MYO10: variants seen among roughly 807,000 people sequenced by gnomAD.
MYO10 encodes myosin X, also known as unconventional myosin-X.
MYO10 carries 133 observed loss-of-function variants against 257.3 expected under a neutral mutation model. The observed-to-expected ratio is 0.52, with a 90% CI of 0.45 to 0.60. The LOEUF is 0.60. Among genes scored for constraint, MYO10 ranks in the 20% least tolerant of loss-of-function variants. The pLI is 0.00. For missense variants in MYO10, 2,399 were observed against 2,635.7 expected, an observed-to-expected ratio of 0.91 and a Z score of 1.97; for synonymous variants, 1,104 against 1,028.6, an observed-to-expected ratio of 1.07 and a Z score of -1.40.
chr5:16,749,106 T>C (rs561884361), intron 19 of MYO10, among the ~76,000 whole-genome samples: 10 of 152,224 alleles, frequency 6.6e-5, no homozygotes, highest in African/African-American at 1.4e-4. Flanking sequence ...TCCAGCAAAT[T>C]TGGCTGCATG....
chr5:16,712,524 CCTAA>C (rs1330271513), intron 19 of MYO10, among the ~76,000 whole-genome samples: 16 of 152,140 alleles, frequency 1.1e-4, no homozygotes, highest in African/African-American at 1.7e-4. Context: ...TGCCATAGGA[CCTAA>C]CTGTTAAAAA....
intron 19 of MYO10, among the ~76,000 whole-genome samples, chr5:16,722,239 CT>C (rs748106577): frequency 1.3e-5 from 2 of 152,216 alleles, no homozygotes; most frequent in African/African-American, 2.4e-5. Flanking sequence ...GATGTGACCC[CT>C]GGTCACACTC....
At position 16,663,707 on chromosome 5, in the gene MYO10, A is replaced by G. The variant is rs1412150798; in HGVS notation, c.*2985T>C. On this transcript the variant is annotated 3_prime_UTR_variant, in exon 41 of 41. Coordinates refer to ENST00000513610, the MANE Select transcript of MYO10 (RefSeq NM_012334.3). ...GTGACAGAGTGAGACCCTGTCTCAA[A>G]TAAACAATGTTTAAAACACAGACAC... 2.0e-5 allele frequency: 3 copies of G among 152,076 alleles called. No individual in the cohort carries two copies. Among genetic ancestry groups the G allele is most frequent in the African/African-American group, 7.2e-5 (3 of 41,418 alleles). 9.4% of individuals were successfully genotyped at this position (152,076 alleles called of 1,614,324 possible). A position where few individuals can be genotyped will look rare whatever the true frequency, so the allele number is the denominator to read the frequency against.
chr5:16,899,774 G>A lies in MYO10; in HGVS notation c.22-22067C>T, dbSNP rs527244580. ...GCACTCTGGGAGGTCGAGGCAGGTG[G>A]ATCACCTGATGTCAAGAGTTCAGGG... On this transcript the variant is annotated intron_variant, in intron 1 of 40. Transcript: ENST00000513610. Among the ~76,000 whole-genome samples, 3 of 152,174 alleles carry A rather than the reference G, an allele frequency of 2.0e-5. No homozygotes were observed. The South Asian group carries it at 6.2e-4, about 32-fold the overall frequency.
intron 3 of MYO10, among the ~76,000 whole-genome samples, chr5:16,796,386 GAACAC>G (rs1741957367): frequency 1.5e-5 from 2 of 130,688 alleles, no homozygotes; most frequent in African/African-American, 5.8e-5. Flanking sequence ...GAAAAGAACA[GAACAC>G]AACACAAAAG....
In MYO10 at chr5:16,785,027, G is replaced by A. The variant is rs1222167020; in HGVS notation, c.468-1558C>T. On this transcript the variant is annotated intron_variant, in intron 4 of 40. Transcript: ENST00000513610. ...TGCGCGCACACACACGACACTGGGC[G>A]GAAATGTCCCTTTTGCGGCAGACAA... is the stretch of plus-strand genomic sequence containing the variant. Among the ~76,000 whole-genome samples, 5 of 152,142 alleles carry A rather than the reference G, an allele frequency of 3.3e-5. No individual in the cohort carries two copies. In the East Asian group the frequency reaches 5.8e-4, roughly 18 times the overall value.
intron 2 of MYO10, among the ~76,000 whole-genome samples, chr5:16,840,448 A>AATGAATGAAT (rs771759083): frequency 9.9e-4 from 109 of 110,396 alleles, no homozygotes; most frequent in African/African-American, 3.2e-3. Flanking sequence ...AATGAATGAA[A>AATGAATGAAT]GAAAGAAACA....
chr5:16,895,852 C>A (rs764594156), intron 1 of MYO10, among the ~76,000 whole-genome samples: 1 of 151,688 alleles, frequency 6.6e-6, no homozygotes, highest in Admixed American at 6.6e-5. Flanking sequence ...CAAGGACATG[C>A]GTGCAATAAA....
chr5:16,841,060 G>A (rs1378860137), intron 2 of MYO10, among the ~76,000 whole-genome samples: 1 of 151,284 alleles, frequency 6.6e-6, no homozygotes. Context: ...CCAGAAAATC[G>A]CTAGAACCTG....
chr5:16,886,961 C>CA (rs1254483146), intron 1 of MYO10, among the ~76,000 whole-genome samples: 1 of 145,202 alleles, frequency 6.9e-6, no homozygotes, highest in Non-Finnish European at 1.5e-5. Flanking sequence ...AAAGCAAAAA[C>CA]AAAAAAACAC....
intron 32 of MYO10, 50 bp downstream of exon 32, chr5:16,681,259 C>A: frequency 6.5e-7 from 1 of 1,546,842 alleles, no homozygotes; most frequent in Non-Finnish European, 8.7e-7. Context: ...CCGGAGCAAG[C>A]CCAGACTTTA....
chr5:16,824,984 G>A (rs947944241), intron 2 of MYO10, among the ~76,000 whole-genome samples: 1 of 152,136 alleles, frequency 6.6e-6, no homozygotes, highest in African/African-American at 2.4e-5. Context: ...ATATTCATTC[G>A]TTTTTATTTG....
At chr5:16,730,932 G>A (rs1054612012) in intron 19 of MYO10, among the ~76,000 whole-genome samples, 2 of 152,180 alleles carry the variant, frequency 1.3e-5, no homozygotes, top group African/African-American at 4.8e-5. Flanking sequence ...GCTGTCATGG[G>A]AAGGTTGAAA....
intron 1 of MYO10, among the ~76,000 whole-genome samples, chr5:16,879,247 T>C (rs1744693884): frequency 6.6e-6 from 1 of 152,220 alleles, no homozygotes; most frequent in South Asian, 2.1e-4. Context: ...ACTCCTTTTC[T>C]AGAATTTTCT....
rs140728231 is a variant in MYO10, at chr5:16,782,822, T to C, written c.602+513A>G. On this transcript the variant is annotated intron_variant, in intron 5 of 40. Coordinates refer to ENST00000513610, the MANE Select transcript of MYO10 (RefSeq NM_012334.3). ...TTCTAAGTTTTGAGGCTCCCTGTTA[T>C]ATAGAATGCATCACTCATCTTCCAC... Among the ~76,000 whole-genome samples, 607 of 152,262 alleles carry C rather than the reference T, an allele frequency of 4.0e-3. 5 individuals are homozygous for C. Among genetic ancestry groups the C allele is most frequent in the Middle Eastern group, 0.024 (7 of 294 alleles).
intron 3 of MYO10, among the ~76,000 whole-genome samples, chr5:16,811,891 A>G (rs1580015719): frequency 6.6e-6 from 1 of 152,188 alleles, no homozygotes; most frequent in East Asian, 1.9e-4. Context: ...TTGTAGCGTC[A>G]CCACCACCAC....
At position 16,676,280 on chromosome 5, in the gene MYO10, G is replaced by A. The variant is rs558622903; in HGVS notation, c.4543-126C>T. 439 of 1,136,474 alleles carry A rather than the reference G, an allele frequency of 3.9e-4. 2 individuals carry two copies. The highest frequency in any genetic ancestry group is 1.7e-3 in the Middle Eastern group (6 of 3,508). The allele number at this position is 1,136,474 out of a possible 1,614,324, so 70.4% of individuals were successfully genotyped here. The stretch of plus-strand genomic sequence containing the variant: ...GATGGTGGAAATCCAGTGTTAGGTG[G>A]TTTCATGGACGAAGATACCCATAAT... On this transcript the variant is annotated intron_variant, in intron 33 of 40. Coordinates refer to ENST00000513610, the MANE Select transcript of MYO10 (RefSeq NM_012334.3).
intron 11 of MYO10, among the ~76,000 whole-genome samples, chr5:16,765,863 C>T (rs541736252): frequency 5.2e-4 from 79 of 152,242 alleles, no homozygotes; most frequent in African/African-American, 1.8e-3. Flanking sequence ...AACAACAATT[C>T]GATGTTATTT....
At chr5:16,673,165 A>G (rs769182644) in intron 36 of MYO10, among the ~76,000 whole-genome samples, 3 of 150,658 alleles carry the variant, frequency 2.0e-5, no homozygotes, top group Non-Finnish European at 4.4e-5. Context: ...TATGAACTCC[A>G]AGGAACAACA....
Sources: allele counts gnomAD v4.1 joint callset (sites outside exome capture counted in the v4.1 genomes callset), GRCh38; gene constraint gnomAD v4.1.1; transcripts MANE v1.5; gene names NCBI Gene and HGNC (gene_info 2026-07-23, HGNC 2026-07-21).